Variants in METTL17 observed in about 807,000 individuals in gnomAD.
METTL17 encodes methyltransferase like 17, also known as ribosome assembly protein METTL17, mitochondrial.
In METTL17, 49 loss-of-function variants were observed where a neutral mutation model predicts 59.4. That is an observed-to-expected ratio of 0.82 (90% CI 0.66 to 1.05). The LOEUF is 1.05. Among genes scored for constraint, METTL17 ranks in the 50% least tolerant of loss-of-function variants. The probability of loss-of-function intolerance (pLI) is 0.00; values close to 1 mark genes in which losing one functional copy is unlikely to be tolerated. For synonymous variants in METTL17, 208 were observed against 209.2 expected (o/e 0.99, Z 0.05); for missense variants, 555 against 578.4 (o/e 0.96, Z 0.41).
intron 3 of METTL17, chr14:20,990,823 T>TTTGTTTGTTTTG (rs1555321035): frequency 2.2e-5 from 13 of 591,362 alleles, no homozygotes; most frequent in Middle Eastern, 4.5e-4. Context: ...TGTTTGTTTG[T>TTTGTTTGTTTTG]TTGTTTTGTT....
chr14:20,995,099 C>A, intron 9 of METTL17, 66 bp from the exon 10 acceptor site: 1 of 1,446,246 alleles, frequency 6.9e-7, no homozygotes, highest in Non-Finnish European at 9.7e-7. Flanking sequence ...TGCTCTTACA[C>A]AGCTACTGAC....
chr14:20,990,035 A>G lies in METTL17; in HGVS notation c.33A>G (p.Leu11=). The G allele has an allele frequency of 6.2e-7, 1 of 1,612,946 alleles. No individual in the cohort carries two copies. Residue 11 remains leucine, a synonymous_variant, in exon 1 of 14, where the codon TTA becomes TTG. Transcript: ENST00000339374. Reference sequence around the variant, plus strand: ...CGGCACTGAAGTGTCTACTGACATTAGGAAGATGGTGCCCCGGCCTTGGAG... The same window carrying G: ...CGGCACTGAAGTGTCTACTGACATTGGGAAGATGGTGCCCCGGCCTTGGAG... MAAALKCLLT[L]GRWCPGLGVA...
intron 11 of METTL17, 35 bp from the exon 12 acceptor site, chr14:20,996,174 C>T: frequency 3.8e-6 from 6 of 1,592,292 alleles, no homozygotes; most frequent in Non-Finnish European, 5.2e-6. Flanking sequence ...ATTGATGGCT[C>T]TTTTGTCTTA....
chr14:20,992,842 T>G (rs1044417813), intron 5 of METTL17: 6 of 605,628 alleles, frequency 9.9e-6, no homozygotes, highest in Admixed American at 2.9e-5. Context: ...TGAGCTGTGA[T>G]CTCCACTGTA....
Position 20,990,451 on chromosome 14 carries a change from C to G in METTL17, c.230-13C>G. ...ACATGCAAGTGATTCCGCTTTTCGT[C>G]TTTGGCCCATAGGGAGCGCTGGGCC... On this transcript the variant is annotated splice_polypyrimidine_tract_variant and intron_variant, in intron 2 of 13. Coordinates refer to ENST00000339374, the MANE Select transcript of METTL17 (RefSeq NM_022734.3). 1 of 1,613,984 alleles carries G rather than the reference C, an allele frequency of 6.2e-7. No homozygotes were observed.
In METTL17 at chr14:20,996,780, C is replaced by T. The variant is rs1880410112; in HGVS notation, c.1266-5C>T. 2 of 1,614,200 alleles carry T rather than the reference C, an allele frequency of 1.2e-6. No homozygotes were observed. Among genetic ancestry groups the T allele is most frequent in the East Asian group, 4.5e-5 (2 of 44,872 alleles). On this transcript the variant is annotated splice_region_variant and splice_polypyrimidine_tract_variant and intron_variant, in intron 13 of 13. Transcript: ENST00000339374. ...TGCAGCCCACGCCAGCATCTGTTTC[C>T]ACAGGGATTTGTATCGTTGTGCCCG...
At chr14:20,991,711 C>T (rs113853193) in intron 3 of METTL17, 2,104 of 191,414 alleles carry the variant, frequency 0.011, 43 homozygotes, top group African/African-American at 0.048. Flanking sequence ...TTGTATTTTT[C>T]GTAGAGAAAG....
At chr14:20,995,980 C>A (rs890324077) in intron 11 of METTL17, 29 bp downstream of exon 11, 1 of 1,612,772 alleles carries the variant, frequency 6.2e-7, no homozygotes. Context: ...TGTCCCACCA[C>A]ACGGATCTGA....
At chr14:20,993,243 A>G (rs113125688) in intron 6 of METTL17, 52 bp downstream of exon 6, 2 of 1,444,308 alleles carry the variant, frequency 1.4e-6, no homozygotes, top group Admixed American at 3.4e-5. Context: ...CTAGAAAGCC[A>G]TACTTACACC....
At chr14:20,995,862 T>C in intron 10 of METTL17, 39 bp from the exon 11 acceptor site, 1 of 1,579,714 alleles carries the variant, frequency 6.3e-7, no homozygotes, top group Non-Finnish European at 8.7e-7. Flanking sequence ...AAATAGACCC[T>C]TGGCCCAGCT....
At chr14:20,993,633 C>T (rs565254082) in intron 6 of METTL17, 2 of 218,126 alleles carry the variant, frequency 9.2e-6, no homozygotes, top group African/African-American at 4.7e-5. Flanking sequence ...CGCCACCACA[C>T]CCAGCTAATT....
At position 20,996,985 on chromosome 14, in the gene METTL17, GTGTT is replaced by G. The variant is rs2138744504; in HGVS notation, c.*102_*105del. 1.4e-5 allele frequency: 17 copies of G among 1,228,464 alleles called. No individual in the cohort carries two copies. The highest frequency in any genetic ancestry group is 1.9e-5 in the Non-Finnish European group (17 of 914,284). The allele number at this position is 1,228,464 out of a possible 1,614,324, so 76.1% of individuals were successfully genotyped here. A position where few individuals can be genotyped will look rare whatever the true frequency, so the allele number is the denominator to read the frequency against. ...GGAATGCTGGTATCCCCATATGTCT[GTGTT>G]TGTTTGAGATTTTTAATAATAAATA... On this transcript the variant is annotated 3_prime_UTR_variant, in exon 14 of 14. Transcript: ENST00000339374.
In METTL17 at chr14:20,990,050, C is replaced by CTAATGT; in HGVS notation, c.48_49insTAATGT (p.Pro16_Gly17insTer). On this transcript the variant is annotated stop_gained and inframe_insertion, in exon 1 of 14. Coordinates refer to ENST00000339374, the MANE Select transcript of METTL17 (RefSeq NM_022734.3). LOFTEE classifies it high-confidence loss of function. ...TACTGACATTAGGAAGATGGTGCCC[C>CTAATGT]GGCCTTGGAGTGGCTCCCCAGGCCC... The CTAATGT allele has an allele frequency of 6.2e-7, 1 of 1,613,296 alleles. No individual in the cohort carries two copies.
At chr14:20,993,932 T>C in intron 6 of METTL17, 37 bp from the exon 7 acceptor site, 1 of 1,528,812 alleles carries the variant, frequency 6.5e-7, no homozygotes, top group Non-Finnish European at 9.1e-7. Context: ...CTCTTGGTCA[T>C]GGGAATTGGT....
chr14:20,994,967 C>T, intron 9 of METTL17, 66 bp downstream of exon 9: 1 of 1,323,686 alleles, frequency 7.6e-7, no homozygotes, highest in Non-Finnish European at 1.1e-6. Flanking sequence ...GCCTTTGCTC[C>T]TCTCATTGTC....
At chr14:20,996,064 C>G in intron 11 of METTL17, 113 bp downstream of exon 11, 3 of 1,331,442 alleles carry the variant, frequency 2.3e-6, no homozygotes, top group Non-Finnish European at 3.2e-6. Flanking sequence ...CTATCCAGTT[C>G]CTACCTAATG....
intron 6 of METTL17, chr14:20,993,709 G>A (rs1046044977): frequency 5.3e-5 from 14 of 265,582 alleles, no homozygotes; most frequent in East Asian, 2.6e-4. Context: ...TCCTGACCTT[G>A]TGATCCGCCC....
chr14:20,995,861 C>G, intron 10 of METTL17, 40 bp from the exon 11 acceptor site: 1 of 1,575,680 alleles, frequency 6.3e-7, no homozygotes, highest in East Asian at 2.2e-5. Flanking sequence ...AAAATAGACC[C>G]TTGGCCCAGC....
chr14:20,993,492 T>C (rs1241488470), intron 6 of METTL17: 1 of 365,298 alleles, frequency 2.7e-6, no homozygotes, highest in African/African-American at 2.1e-5. Flanking sequence ...TTTTTCTTTT[T>C]TGAAACGGTG....
Sources: allele counts gnomAD v4.1 joint callset, GRCh38; gene constraint gnomAD v4.1.1; transcripts MANE v1.5; gene names NCBI Gene and HGNC (gene_info 2026-07-23, HGNC 2026-07-21).